Variants in RPS6KA2 observed in about 807,000 individuals in gnomAD.
RPS6KA2 encodes ribosomal protein S6 kinase alpha-2.
Under a neutral mutation model 91.8 loss-of-function variants are expected in RPS6KA2, and 42 were observed. The observed-to-expected ratio is 0.46, with a 90% confidence interval of 0.36 to 0.59. The LOEUF (loss-of-function observed/expected upper bound fraction) is 0.59. Among genes scored for constraint, RPS6KA2 ranks in the 20% least tolerant of loss-of-function variants. The pLI is 0.00. For missense variants in RPS6KA2, 798 were observed against 978.5 expected (o/e 0.82, Z 2.46); for synonymous variants, 414 against 393.6 (o/e 1.05, Z -0.61).
intron 1 of RPS6KA2, among the ~76,000 whole-genome samples, chr6:166,585,720 GATT>G (rs1338349501): frequency 2.3e-5 from 2 of 86,744 alleles, no homozygotes; most frequent in African/African-American, 8.6e-5. Context: ...TTCATGAGCT[GATT>G]ATATCAACCT....
chr6:166,709,086 G>T (rs910824807), intron 2 of RPS6KA2, among the ~76,000 whole-genome samples: 1 of 152,182 alleles, frequency 6.6e-6, no homozygotes, highest in African/African-American at 2.4e-5. Context: ...GGTACTATCG[G>T]CTTGTTTTAG....
At chr6:166,596,628 T>G (rs1371273712) in intron 1 of RPS6KA2, among the ~76,000 whole-genome samples, 1 of 152,156 alleles carries the variant, frequency 6.6e-6, no homozygotes, top group Non-Finnish European at 1.5e-5. Context: ...TTCCCTAATT[T>G]TGAGGTTTTG....
intron 2 of RPS6KA2, among the ~76,000 whole-genome samples, chr6:166,832,724 A>G (rs1279956257): frequency 6.6e-6 from 1 of 152,218 alleles, no homozygotes; most frequent in Non-Finnish European, 1.5e-5. Context: ...TTGATGTTCA[A>G]TGTCATTAAT....
At chr6:166,762,084 A>C (rs1022984155) in intron 2 of RPS6KA2, among the ~76,000 whole-genome samples, 2 of 152,172 alleles carry the variant, frequency 1.3e-5, no homozygotes, top group Non-Finnish European at 2.9e-5. Flanking sequence ...GTGTCACCAC[A>C]GAGGTACATG....
chr6:166,794,015 A>C (rs1194697130), intron 2 of RPS6KA2, among the ~76,000 whole-genome samples: 2 of 140,794 alleles, frequency 1.4e-5, no homozygotes, highest in African/African-American at 2.5e-5. Flanking sequence ...GGATCTAATT[A>C]AACTAAAGAG....
At chr6:166,607,707 A>G (rs1018997967) in intron 1 of RPS6KA2, among the ~76,000 whole-genome samples, 5 of 152,218 alleles carry the variant, frequency 3.3e-5, no homozygotes, top group African/African-American at 1.2e-4. Flanking sequence ...ATACACTTAA[A>G]ACATGGAATT....
chr6:166,454,610 C>G (rs1780030958), intron 12 of RPS6KA2, among the ~76,000 whole-genome samples: 1 of 152,088 alleles, frequency 6.6e-6, no homozygotes, highest in Non-Finnish European at 1.5e-5. Context: ...AAAGGAGACA[C>G]TAAATACTCC....
chr6:166,694,101 C>T (rs1315069166), intron 2 of RPS6KA2, among the ~76,000 whole-genome samples: 1 of 152,214 alleles, frequency 6.6e-6, no homozygotes, highest in African/African-American at 2.4e-5. Context: ...ATGACTGGGG[C>T]TCGCTGCCCT....
chr6:166,621,951 C>A (rs143641004), intron 1 of RPS6KA2, among the ~76,000 whole-genome samples: 1 of 152,210 alleles, frequency 6.6e-6, no homozygotes, highest in Non-Finnish European at 1.5e-5. Flanking sequence ...TAAATTGCCA[C>A]TTCTGAGAAA....
At chr6:166,790,198 G>A (rs896613575) in intron 2 of RPS6KA2, among the ~76,000 whole-genome samples, 9 of 152,188 alleles carry the variant, frequency 5.9e-5, no homozygotes, top group African/African-American at 1.4e-4. Context: ...GTCAAGGGTC[G>A]AGAATTACGT....
intron 2 of RPS6KA2, among the ~76,000 whole-genome samples, chr6:166,751,229 C>T (rs182030001): frequency 2.6e-5 from 4 of 152,364 alleles, no homozygotes; most frequent in Admixed American, 1.3e-4. Context: ...GCTTCCAAGC[C>T]GCCTGCTTGT....
At chr6:166,549,950 T>C (rs1177409713) in intron 1 of RPS6KA2, among the ~76,000 whole-genome samples, 4 of 152,220 alleles carry the variant, frequency 2.6e-5, no homozygotes, top group African/African-American at 9.7e-5. Flanking sequence ...GACTCTATAA[T>C]CATTTAAAAA....
chr6:166,439,261 C>T lies in RPS6KA2; in HGVS notation c.1333-6771G>A, dbSNP rs367932826. On this transcript the variant is annotated intron_variant, in intron 14 of 20. Transcript: ENST00000265678. ...TAGTTCGGATTACAGGCACGCGCCA[C>T]CATGCCTGGCTAATTTTTGTATTTT... is the stretch of plus-strand genomic sequence containing the variant. 7.9e-5 allele frequency among the ~76,000 whole-genome samples: 12 copies of T among 152,196 alleles called. No homozygotes were observed. The East Asian group carries it at 9.6e-4, about 12-fold the overall frequency.
chr6:166,670,323 C>T (rs1030945179), intron 2 of RPS6KA2, among the ~76,000 whole-genome samples: 7 of 152,220 alleles, frequency 4.6e-5, no homozygotes, highest in African/African-American at 9.6e-5. Flanking sequence ...GATTCCCCAA[C>T]GTCATCCTTC....
rs143822191 is a variant in RPS6KA2 at position 166,612,654 on chromosome 6, T to A, written c.99+14267A>T. On this transcript the variant is annotated intron_variant, in intron 1 of 20. Transcript: ENST00000265678. The surrounding 1 kb of genome is among the most constrained non-coding windows in gnomAD (Gnocchi z 4.3). ...GAGCCCGTGGGCTGTGCTCCATTTA[T>A]CACTCTGTCCGGGCGTCTGTTGTTA... is the stretch of plus-strand genomic sequence containing the variant. 5.9e-5 allele frequency among the ~76,000 whole-genome samples: 9 copies of A among 152,312 alleles called. No homozygotes were observed. The highest frequency in any genetic ancestry group is 8.8e-5 in the Non-Finnish European group (6 of 68,020).
intron 2 of RPS6KA2, among the ~76,000 whole-genome samples, chr6:166,784,657 C>T (rs1778879916): frequency 1.7e-5 from 1 of 60,606 alleles, no homozygotes; most frequent in African/African-American, 6.0e-5. Flanking sequence ...ACCACATATA[C>T]ACATGTGCAC....
chr6:166,526,421 C>A (rs1783040183), intron 3 of RPS6KA2, among the ~76,000 whole-genome samples: 1 of 144,188 alleles, frequency 6.9e-6, no homozygotes, highest in African/African-American at 2.7e-5. Flanking sequence ...TCACAGCTCA[C>A]TGAAGCCTTG....
chr6:166,441,511 A>C (rs1334245810), intron 14 of RPS6KA2, among the ~76,000 whole-genome samples: 1 of 152,260 alleles, frequency 6.6e-6, no homozygotes, highest in East Asian at 1.9e-4. Flanking sequence ...TGCAGCTAAC[A>C]CCCCACGTGA....
chr6:166,460,804 G>C (rs1001018189), intron 11 of RPS6KA2: 3 of 152,348 alleles, frequency 2.0e-5, no homozygotes, highest in Non-Finnish European at 4.4e-5. Flanking sequence ...CTAGAGCTCA[G>C]TTCTGGACTC....
Sources: allele counts gnomAD v4.1 joint callset (sites outside exome capture counted in the v4.1 genomes callset), GRCh38; gene constraint gnomAD v4.1.1; non-coding constraint Gnocchi (gnomAD v3.1); transcripts MANE v1.5; gene names NCBI Gene and HGNC (gene_info 2026-07-23, HGNC 2026-07-21).